The following CPLX4 variants were observed in gnomAD, a reference collection of about 807,000 sequenced individuals.
The protein encoded by CPLX4 is complexin-4.
Under a neutral mutation model 16.1 loss-of-function variants are expected in CPLX4, and 17 were observed. That is an observed-to-expected ratio of 1.06 (90% CI 0.72 to 1.59). The LOEUF is 1.59. Ranked by LOEUF, CPLX4 falls within the 40% of genes most tolerant of loss-of-function variation. The pLI is 0.00. For missense variants in CPLX4, 193 were observed against 192.9 expected (o/e 1.00, Z 0.00); for synonymous variants, 55 against 57.8 (o/e 0.95, Z 0.22).
Position 59,318,620 on chromosome 18 carries a change from T to C in CPLX4, c.-158A>G. 7.6e-7 allele frequency: 1 copy of C among 1,323,036 alleles called. No homozygotes were observed. The highest frequency in any genetic ancestry group is 9.9e-7 in the Non-Finnish European group (1 of 1,008,444). The allele number at this position is 1,323,036 out of a possible 1,614,324, so 82.0% of individuals were successfully genotyped here. Reference sequence around the variant, plus strand: ...CCTCATCTATTCAAGGGCATACTGATAGAGAAGAGTGGTTTGTCGGCCGTA... The same window carrying C: ...CCTCATCTATTCAAGGGCATACTGACAGAGAAGAGTGGTTTGTCGGCCGTA... On this transcript the variant is annotated 5_prime_UTR_variant, in exon 1 of 3. Coordinates refer to ENST00000299721, the MANE Select transcript of CPLX4 (RefSeq NM_181654.4).
chr18:59,305,554 G>A (rs2070571112), intron 2 of CPLX4, among the ~76,000 whole-genome samples: 1 of 152,198 alleles, frequency 6.6e-6, no homozygotes, highest in South Asian at 2.1e-4. Context: ...GTGACATCTG[G>A]TAGCCAGCCT....
intron 2 of CPLX4, among the ~76,000 whole-genome samples, chr18:59,304,105 G>T (rs1401687764): frequency 2.6e-5 from 4 of 152,152 alleles, no homozygotes; most frequent in African/African-American, 9.7e-5. Context: ...CACATTTAAA[G>T]AAAACTCTGT....
At chr18:59,304,456 T>C (rs1387686313) in intron 2 of CPLX4, among the ~76,000 whole-genome samples, 3 of 152,268 alleles carry the variant, frequency 2.0e-5, no homozygotes, top group Non-Finnish European at 4.4e-5. Flanking sequence ...TTGTGTTTTA[T>C]ACAAAACTAC....
chr18:59,317,466 T>A lies in CPLX4; in HGVS notation c.167+830A>T, dbSNP rs577778667. Among the ~76,000 whole-genome samples the A allele has an allele frequency of 8.5e-5, 13 of 152,266 alleles. No individual in the cohort carries two copies. The East Asian group carries it at 2.5e-3, about 29-fold the overall frequency. On this transcript the variant is annotated intron_variant, in intron 1 of 2. Transcript: ENST00000299721. ...AAAGTTGTTGGTGATATTCACATTCTATAATACCCAATTAAATGTTGCTTA... is the reference window on the plus strand; with the variant it reads ...AAAGTTGTTGGTGATATTCACATTCAATAATACCCAATTAAATGTTGCTTA...
intron 2 of CPLX4, among the ~76,000 whole-genome samples, chr18:59,300,798 G>A (rs941625240): frequency 6.6e-6 from 1 of 152,240 alleles, no homozygotes; most frequent in Non-Finnish European, 1.5e-5. Context: ...TCAGGAGGCT[G>A]TGATGTCCTG....
At chr18:59,305,511 C>A (rs1012418672) in intron 2 of CPLX4, among the ~76,000 whole-genome samples, 1 of 152,056 alleles carries the variant, frequency 6.6e-6, no homozygotes, top group East Asian at 1.9e-4. Flanking sequence ...ATTTACTGGA[C>A]GTGCAGCTGG....
At chr18:59,302,216 T>C (rs1038302640) in intron 2 of CPLX4, among the ~76,000 whole-genome samples, 2 of 152,234 alleles carry the variant, frequency 1.3e-5, no homozygotes, top group Non-Finnish European at 2.9e-5. Context: ...GAATGTCTTG[T>C]CCACACGTTC....
intron 1 of CPLX4, among the ~76,000 whole-genome samples, chr18:59,314,923 A>G (rs940020349): frequency 1.1e-4 from 16 of 152,240 alleles, no homozygotes; most frequent in Non-Finnish European, 1.6e-4. Context: ...CTGTTAATGA[A>G]CACCTGAATT....
chr18:59,317,211 T>G (rs556985713), intron 1 of CPLX4, among the ~76,000 whole-genome samples: 2 of 152,162 alleles, frequency 1.3e-5, no homozygotes, highest in Non-Finnish European at 2.9e-5. Flanking sequence ...TTTTCACCTA[T>G]AATCATCTTA....
chr18:59,297,042 T>A, intron 2 of CPLX4, 117 bp from the exon 3 acceptor site: 1 of 1,448,514 alleles, frequency 6.9e-7, no homozygotes, highest in Middle Eastern at 2.5e-4. Flanking sequence ...TGAGTGGCAC[T>A]CTTGGCCTTG....
intron 2 of CPLX4, among the ~76,000 whole-genome samples, chr18:59,307,861 C>T (rs1380583846): frequency 6.6e-6 from 1 of 151,342 alleles, no homozygotes; most frequent in Non-Finnish European, 1.5e-5. Context: ...CAGCAATTCC[C>T]CTGCCTTAGC....
chr18:59,299,198 C>T (rs1027455431), intron 2 of CPLX4, among the ~76,000 whole-genome samples: 6 of 152,344 alleles, frequency 3.9e-5, no homozygotes, highest in African/African-American at 4.8e-5. Flanking sequence ...CCTTCCCTAG[C>T]GGCTGCTTTC....
chr18:59,296,392 C>T lies in CPLX4; in HGVS notation c.*306G>A. ...AAAGTTGGAGAGGAAATGCCCCTTGCTTTTGTTTCTTCCTGGCTCATCTCA... is the reference window on the plus strand; with the variant it reads ...AAAGTTGGAGAGGAAATGCCCCTTGTTTTTGTTTCTTCCTGGCTCATCTCA... On this transcript the variant is annotated 3_prime_UTR_variant, in exon 3 of 3. Transcript: ENST00000299721. 1 of 360,976 alleles carries T rather than the reference C, an allele frequency of 2.8e-6. No individual in the cohort carries two copies. The highest frequency in any genetic ancestry group is 5.0e-6 in the Non-Finnish European group (1 of 200,288). The allele number at this position is 360,976 out of a possible 1,614,324, so 22.4% of individuals were successfully genotyped here.
chr18:59,306,068 A>G (rs1222799431), intron 2 of CPLX4, among the ~76,000 whole-genome samples: 2 of 152,224 alleles, frequency 1.3e-5, no homozygotes, highest in African/African-American at 2.4e-5. Flanking sequence ...TGGAAGAAGA[A>G]GGTTTCAGCA....
chr18:59,316,378 A>G (rs2070651605), intron 1 of CPLX4, among the ~76,000 whole-genome samples: 1 of 152,208 alleles, frequency 6.6e-6, no homozygotes, highest in African/African-American at 2.4e-5. Flanking sequence ...ACTTCCTACA[A>G]TGATGAGGAT....
intron 2 of CPLX4, among the ~76,000 whole-genome samples, chr18:59,311,727 G>A (rs887993117): frequency 2.0e-5 from 3 of 152,242 alleles, no homozygotes; most frequent in African/African-American, 7.2e-5. Context: ...TGAAGGTGGA[G>A]TCAGGTGGTA....
At chr18:59,304,941 G>GTC (rs1316412143) in intron 2 of CPLX4, among the ~76,000 whole-genome samples, 1 of 110,542 alleles carries the variant, frequency 9.0e-6, no homozygotes, top group Non-Finnish European at 2.1e-5. Context: ...GTGTGTGTGT[G>GTC]TGTGTGTGTG....
At position 59,296,416 on chromosome 18, in the gene CPLX4, C is replaced by CA. The variant is rs2070500984; in HGVS notation, c.*281dup. 4 of 428,274 alleles carry CA rather than the reference C, an allele frequency of 9.3e-6. No individual in the cohort carries two copies. The South Asian group carries it at 1.1e-4, about 12-fold the overall frequency. 26.5% of individuals were successfully genotyped at this position (428,274 alleles called of 1,614,324 possible). ...GCTTTTGTTTCTTCCTGGCTCATCT[C>CA]AAGGTCTTTAAGCAGATATGTGTTC... On this transcript the variant is annotated 3_prime_UTR_variant, in exon 3 of 3. Transcript: ENST00000299721.
rs1451946346 is a variant in CPLX4, at chr18:59,318,552, C to T, written c.-90G>A. On this transcript the variant is annotated 5_prime_UTR_variant, in exon 1 of 3. Transcript: ENST00000299721. ...ACCCAAGAGAAAACCTCCAAATATT[C>T]TCAATGACAGCAATACATTTAAGAG... 1 of 1,492,140 alleles carries T rather than the reference C, an allele frequency of 6.7e-7. No homozygotes were observed. The highest frequency in any genetic ancestry group is 8.9e-7 in the Non-Finnish European group (1 of 1,128,850). 92.4% of individuals were successfully genotyped at this position (1,492,140 alleles called of 1,614,324 possible).
Sources: allele counts gnomAD v4.1 joint callset (sites outside exome capture counted in the v4.1 genomes callset), GRCh38; gene constraint gnomAD v4.1.1; transcripts MANE v1.5; gene names NCBI Gene and HGNC (gene_info 2026-07-23, HGNC 2026-07-21).